MMS22L: variants seen among roughly 807,000 people sequenced by gnomAD.
MMS22L encodes the protein MMS22 like, DNA repair protein.
Under a neutral mutation model 159.1 loss-of-function variants are expected in MMS22L, and 74 were observed. The observed-to-expected ratio is 0.47, with a 90% confidence interval of 0.39 to 0.56. The LOEUF (loss-of-function observed/expected upper bound fraction) is 0.56, where lower values mean the gene tolerates loss of function less well. MMS22L is among the 20% of genes least tolerant of loss of function. MMS22L has a pLI of 0.00. For missense variants in MMS22L, 1,351 were observed against 1,422.1 expected (o/e 0.95, Z 0.80); for synonymous variants, 517 against 506.9 (o/e 1.02, Z -0.27).
chr6:97,259,696 CTTAT>C (rs886190993), intron 9 of MMS22L: 1 of 8,890 alleles, frequency 1.1e-4, no homozygotes, highest in Non-Finnish European at 5.9e-4. Flanking sequence ...TATAATAAAT[CTTAT>C]ATATATATAT....
intron 11 of MMS22L, among the ~76,000 whole-genome samples, chr6:97,234,697 A>G (rs1326157510): frequency 6.6e-6 from 1 of 152,218 alleles, no homozygotes; most frequent in African/African-American, 2.4e-5. Flanking sequence ...CTAAAACAAG[A>G]TAAATTTGAA....
chr6:97,254,049 A>G (rs1427860207), intron 10 of MMS22L: 1 of 152,698 alleles, frequency 6.5e-6, no homozygotes, highest in South Asian at 2.1e-4. Flanking sequence ...TTAATATACT[A>G]GTTAAAATCT....
chr6:97,277,055 C>T (rs1358181394), intron 4 of MMS22L, among the ~76,000 whole-genome samples: 3 of 152,128 alleles, frequency 2.0e-5, no homozygotes, highest in Non-Finnish European at 2.9e-5. Context: ...TATAAAACAG[C>T]CTAAAAGCTG....
chr6:97,270,247 A>T (rs1312623758), intron 6 of MMS22L: 19 of 589,966 alleles, frequency 3.2e-5, no homozygotes, highest in Non-Finnish European at 6.0e-5. Flanking sequence ...CTTGTATAGT[A>T]AAGGTACCTT....
In MMS22L at chr6:97,186,670, C is replaced by A; in HGVS notation, c.2060G>T (p.Cys687Phe). The A allele has an allele frequency of 6.4e-7, 1 of 1,563,802 alleles. No individual in the cohort carries two copies. The highest frequency in any genetic ancestry group is 8.6e-7 in the Non-Finnish European group (1 of 1,156,704). ...CACATTGTCCCTTTGAAGTTCCTGA[C>A]ACAATTGTTGATGCATACTCCTAAA... is the stretch of plus-strand genomic sequence containing the variant. ...ARIRSMHQQL[C>F]QELQRDNVDL... The change falls in exon 15 of 25, where the codon TGT (cysteine) becomes TTT (phenylalanine). Residue 687 changes from cysteine to phenylalanine, a missense_variant. Coordinates refer to ENST00000683635, the MANE Select transcript of MMS22L (RefSeq NM_001350599.2).
chr6:97,197,950 C>G (rs1283762649), intron 14 of MMS22L, among the ~76,000 whole-genome samples: 2 of 152,112 alleles, frequency 1.3e-5, no homozygotes, highest in African/African-American at 4.8e-5. Context: ...TTGGCTATTC[C>G]ACTGTTTGCT....
intron 18 of MMS22L, among the ~76,000 whole-genome samples, chr6:97,177,659 C>T (rs1309882924): frequency 6.6e-6 from 1 of 152,136 alleles, no homozygotes. Context: ...TTTACATCTG[C>T]ATTTACTATT....
intron 12 of MMS22L, among the ~76,000 whole-genome samples, chr6:97,232,172 T>A (rs1290140083): frequency 6.6e-6 from 1 of 152,142 alleles, no homozygotes; most frequent in Admixed American, 6.5e-5. Context: ...TACTAAGTAG[T>A]TCCTATTGCA....
chr6:97,202,509 A>G (rs1807287775), intron 14 of MMS22L, among the ~76,000 whole-genome samples: 1 of 152,010 alleles, frequency 6.6e-6, no homozygotes, highest in South Asian at 2.1e-4. Context: ...CTGAGCTATT[A>G]CCTTAGCGTT....
chr6:97,269,356 ATATTAAAACT>A (rs1815489493), intron 7 of MMS22L, among the ~76,000 whole-genome samples: 1 of 152,110 alleles, frequency 6.6e-6, no homozygotes, highest in Non-Finnish European at 1.5e-5. Flanking sequence ...CAGCATATAC[ATATTAAAACT>A]ACGATGTGCC....
intron 20 of MMS22L, among the ~76,000 whole-genome samples, chr6:97,165,772 A>ACTACAT (rs1198189229): frequency 6.6e-6 from 1 of 152,128 alleles, no homozygotes; most frequent in Non-Finnish European, 1.5e-5. Context: ...TTGCTCATCA[A>ACTACAT]CTACATTTAT....
At chr6:97,280,878 C>A (rs535825395) in intron 3 of MMS22L, among the ~76,000 whole-genome samples, 2 of 152,068 alleles carry the variant, frequency 1.3e-5, no homozygotes. Flanking sequence ...ATTAATATTT[C>A]TATTACACAG....
At position 97,179,533 on chromosome 6, in the gene MMS22L, G is replaced by A. The variant is rs559121480; in HGVS notation, c.2411C>T (p.Ser804Leu). ...NSTLCEALSH[S>L]GYVSFQALTV... ...TAAGGCTTGAAAAGATACATAGCCT[G>A]AATGAGAAAGTGCTTCACATAATGT... Residue 804 changes from serine to leucine, a missense_variant, in exon 17 of 25, where the codon TCA (serine) becomes TTA (leucine). Transcript: ENST00000683635. 46 of 1,609,848 alleles carry A rather than the reference G, an allele frequency of 2.9e-5. No homozygotes were observed. The East Asian group carries it at 9.0e-4, about 31-fold the overall frequency.
At chr6:97,164,648 GCT>G (rs1447195550) in intron 21 of MMS22L, among the ~76,000 whole-genome samples, 1 of 151,560 alleles carries the variant, frequency 6.6e-6, no homozygotes, top group Non-Finnish European at 1.5e-5. Flanking sequence ...ATGGTGTCTC[GCT>G]CTGTCACCCA....
chr6:97,229,665 A>G (rs1810645201), intron 13 of MMS22L, among the ~76,000 whole-genome samples: 1 of 152,232 alleles, frequency 6.6e-6, no homozygotes, highest in African/African-American at 2.4e-5. Context: ...AAATGTTTTC[A>G]TATAGTACAT....
intron 12 of MMS22L, 87 bp downstream of exon 12, chr6:97,233,771 TAAC>T: frequency 7.2e-7 from 1 of 1,379,754 alleles, no homozygotes; most frequent in South Asian, 1.7e-5. Flanking sequence ...GAAAAATCCA[TAAC>T]TATTCATAAT....
chr6:97,151,439 T>C (rs1057351854), intron 23 of MMS22L: 2 of 295,610 alleles, frequency 6.8e-6, no homozygotes, highest in Non-Finnish European at 1.3e-5. Context: ...AAGTACACTC[T>C]ATTTGATGGT....
intron 20 of MMS22L, among the ~76,000 whole-genome samples, chr6:97,167,559 T>A (rs1803091467): frequency 6.6e-6 from 1 of 152,062 alleles, no homozygotes; most frequent in Admixed American, 6.6e-5. Flanking sequence ...ATTCATCAGG[T>A]CCCCATGTAA....
chr6:97,259,032 C>T (rs1814140090), intron 9 of MMS22L: 1 of 152,064 alleles, frequency 6.6e-6, no homozygotes, highest in African/African-American at 2.4e-5. Context: ...CCATTTTCAC[C>T]CACCCATCTT....
Sources: gnomAD v4.1 joint callset for allele counts (sites outside exome capture counted in the v4.1 genomes callset) on GRCh38, gnomAD v4.1.1 for gene constraint, MANE v1.5 for transcripts, NCBI Gene and HGNC (gene_info 2026-07-23, HGNC 2026-07-21) for gene names.